BET1: variants seen among roughly 807,000 people sequenced by gnomAD.
BET1 encodes Bet1 golgi vesicular membrane trafficking protein, also known as BET1 homolog.
Under a neutral mutation model 13.9 loss-of-function variants are expected in BET1, and 9 were observed. The ratio of observed to expected loss-of-function variants is 0.65; its 90% CI spans 0.39 to 1.13. The LOEUF is 1.13. BET1 is among the 50% of genes most tolerant of loss of function. The probability of loss-of-function intolerance (pLI) is 0.01; values close to 1 mark genes in which losing one functional copy is unlikely to be tolerated. For missense variants in BET1, 127 were observed against 133.6 expected, an observed-to-expected ratio of 0.95 and a Z score of 0.24; for synonymous variants, 39 against 47.3, an observed-to-expected ratio of 0.82 and a Z score of 0.72.
At chr7:93,976,906 T>A (rs1394125187) in intron 4 of BET1, among the ~76,000 whole-genome samples, 1 of 152,136 alleles carries the variant, frequency 6.6e-6, no homozygotes, top group Admixed American at 6.6e-5. Context: ...TAGTTCTCAC[T>A]TATAAGTGAG....
chr7:93,975,838 G>T (rs949107368), intron 5 of BET1: 1 of 789,710 alleles, frequency 1.3e-6, no homozygotes. Context: ...AATCACACCT[G>T]CCAGATAACG....
downstream of BET1, chr7:93,992,335 C>G (rs574765420): frequency 2.9e-4 from 286 of 985,342 alleles, no homozygotes; most frequent in Middle Eastern, 5.2e-4. Flanking sequence ...AAAGTACTTT[C>G]ATAAAATAGC....
At chr7:93,968,476 G>A (rs964671903) in intron 6 of BET1, 8 of 151,902 alleles carry the variant, frequency 5.3e-5, no homozygotes, top group African/African-American at 1.7e-4. Flanking sequence ...GATAACAAAT[G>A]CCTTCTTCTG....
chr7:93,979,708 T>G (rs1277616768), intron 4 of BET1, among the ~76,000 whole-genome samples: 2 of 152,094 alleles, frequency 1.3e-5, no homozygotes, highest in Non-Finnish European at 2.9e-5. Flanking sequence ...TGGGAGGAAG[T>G]TTCCATCTCC....
chr7:93,973,684 C>G (rs1795294429), intron 5 of BET1, among the ~76,000 whole-genome samples: 2 of 152,020 alleles, frequency 1.3e-5, no homozygotes, highest in Admixed American at 6.6e-5. Context: ...ATGTATACCT[C>G]AACACCTGGC....
intron 1 of BET1, among the ~76,000 whole-genome samples, chr7:94,003,049 A>G (rs1795945294): frequency 6.6e-6 from 1 of 152,222 alleles, no homozygotes; most frequent in Admixed American, 6.5e-5. Context: ...TTTGGGGATC[A>G]CAAACAGGGC....
At chr7:93,970,985 C>T (rs182868515) in intron 6 of BET1, among the ~76,000 whole-genome samples, 178 of 151,696 alleles carry the variant, frequency 1.2e-3, no homozygotes, top group African/African-American at 3.7e-3. Flanking sequence ...ATGCTATTAT[C>T]GAAAGTTTTA....
At chr7:93,965,888 A>C (rs1036693400) in intron 6 of BET1, among the ~76,000 whole-genome samples, 3 of 151,940 alleles carry the variant, frequency 2.0e-5, no homozygotes, top group African/African-American at 4.8e-5. Context: ...ATAGACCTTT[A>C]CTTAGTTTTC....
At position 94,002,450 on chromosome 7, in the gene BET1, CT is replaced by C. The variant is rs1338686067; in HGVS notation, c.19+1747del. Among the ~76,000 whole-genome samples, 146 of 97,268 alleles carry C rather than the reference CT, an allele frequency of 1.5e-3. 1 individual carries two copies. In the South Asian group the frequency reaches 0.023, roughly 15 times the overall value. The allele number at this position is 97,268 out of a possible 152,430, so 63.8% of individuals were successfully genotyped here. Reference sequence around the variant, plus strand: ...ACTTCTCCTCTCAATCACAGAAGAGCTTTTTTTTAAAAAAAAAAAAAAAAGA... The same window carrying C: ...ACTTCTCCTCTCAATCACAGAAGAGCTTTTTTTAAAAAAAAAAAAAAAAGA... On this transcript the variant is annotated intron_variant, in intron 1 of 3. Coordinates refer to ENST00000222547, the MANE Select transcript of BET1 (RefSeq NM_005868.6).
At chr7:93,963,792 G>GA (rs967700331) in exon 7 of BET1, 89 of 151,942 alleles carry the variant, frequency 5.9e-4, no homozygotes, top group Admixed American at 5.4e-3. Flanking sequence ...AAAAAAAATT[G>GA]AAAAAAGGCT....
Position 94,004,324 on chromosome 7 carries a change from A to G in BET1, c.-108T>C. On this transcript the variant is annotated 5_prime_UTR_variant, in exon 1 of 4. Coordinates refer to ENST00000222547, the MANE Select transcript of BET1 (RefSeq NM_005868.6). ...CAGTACCAGGGCCCAGCGAAACACC[A>G]ACTTCTTCCCCTAAAGCGCCACGAC... 1 of 1,465,028 alleles carries G rather than the reference A, an allele frequency of 6.8e-7. No individual in the cohort carries two copies. Among genetic ancestry groups the G allele is most frequent in the East Asian group, 2.3e-5 (1 of 44,062 alleles). 90.8% of individuals were successfully genotyped at this position (1,465,028 alleles called of 1,614,324 possible). A position where few individuals can be genotyped will look rare whatever the true frequency, so the allele number is the denominator to read the frequency against.
chr7:94,003,319 C>T (rs1584151727), intron 1 of BET1, among the ~76,000 whole-genome samples: 1 of 151,796 alleles, frequency 6.6e-6, no homozygotes, highest in East Asian at 1.9e-4. Context: ...GCAACTTTCA[C>T]TGACTTTAAA....
downstream of BET1, chr7:93,991,971 G>A (rs1795646901): frequency 1.0e-6 from 1 of 985,000 alleles, no homozygotes; most frequent in Non-Finnish European, 1.2e-6. Flanking sequence ...AGTTTTTCAT[G>A]GGGACAGGTG....
intron 5 of BET1, chr7:93,972,799 A>G (rs1795277274): frequency 6.6e-6 from 1 of 151,076 alleles, no homozygotes; most frequent in Admixed American, 6.6e-5. Flanking sequence ...CATCTTCAAC[A>G]CTTTCCTTAG....
intron 1 of BET1, among the ~76,000 whole-genome samples, chr7:94,000,107 C>CT (rs11438992): frequency 0.28 from 39,640 of 141,604 alleles, 6,520 homozygotes; most frequent in East Asian, 0.46. Flanking sequence ...GTTAACTATA[C>CT]TTTTTTTTTT....
At chr7:93,976,999 C>T (rs571002542) in intron 4 of BET1, among the ~76,000 whole-genome samples, 3 of 152,234 alleles carry the variant, frequency 2.0e-5, no homozygotes, top group African/African-American at 7.2e-5. Flanking sequence ...CCTGCGAATG[C>T]CCTTATTTTG....
intron 3 of BET1, among the ~76,000 whole-genome samples, chr7:93,994,719 TCA>T (rs1474354209): frequency 6.6e-6 from 1 of 152,244 alleles, no homozygotes; most frequent in African/African-American, 2.4e-5. Flanking sequence ...TTGTGCATTA[TCA>T]CACAGATTTT....
At chr7:93,974,818 T>G (rs903560656) in intron 5 of BET1, among the ~76,000 whole-genome samples, 1 of 151,968 alleles carries the variant, frequency 6.6e-6, no homozygotes, top group Admixed American at 6.6e-5. Flanking sequence ...TACAAAATAT[T>G]TATTAATTAA....
At chr7:94,000,873 G>A (rs1473140319) in intron 1 of BET1, among the ~76,000 whole-genome samples, 1 of 152,150 alleles carries the variant, frequency 6.6e-6, no homozygotes, top group Non-Finnish European at 1.5e-5. Flanking sequence ...ACAGTTGCTT[G>A]CACCTATAAT....
Sources: gnomAD v4.1 joint callset for allele counts (sites outside exome capture counted in the v4.1 genomes callset) on GRCh38, gnomAD v4.1.1 for gene constraint, MANE v1.5 for transcripts, NCBI Gene and HGNC (gene_info 2026-07-23, HGNC 2026-07-21) for gene names.